Variants in LDLRAD1 observed in about 807,000 individuals in gnomAD.
The protein encoded by LDLRAD1 is low-density lipoprotein receptor class A domain-containing protein 1.
In LDLRAD1, 17 loss-of-function variants were observed where a neutral mutation model predicts 24.8. The observed-to-expected ratio is 0.69, with a 90% CI of 0.47 to 1.03. The LOEUF (loss-of-function observed/expected upper bound fraction) is 1.03, where lower values mean the gene tolerates loss of function less well. Ranked by LOEUF, LDLRAD1 falls within the 50% of genes least tolerant of loss-of-function variation. The probability of loss-of-function intolerance (pLI) is 0.00; values close to 1 mark genes in which losing one functional copy is unlikely to be tolerated. For synonymous variants in LDLRAD1, 103 were observed against 108.2 expected (o/e 0.95, Z 0.30); for missense variants, 277 against 271.0 (o/e 1.02, Z -0.16).
chr1:54,010,474 G>T, intron 4 of LDLRAD1, 64 bp from the exon 5 acceptor site: 3 of 1,579,776 alleles, frequency 1.9e-6, no homozygotes, highest in Non-Finnish European at 1.7e-6. Flanking sequence ...GAGGGTTATC[G>T]GGAGGAGGAT....
intron 2 of LDLRAD1, 38 bp from the exon 3 acceptor site, chr1:54,014,402 TA>T: frequency 8.9e-7 from 1 of 1,117,482 alleles, no homozygotes; most frequent in Non-Finnish European, 1.2e-6. Context: ...GTGGTGGTGA[TA>T]GGGGGCCAGC....
intron 5 of LDLRAD1, among the ~76,000 whole-genome samples, chr1:54,010,027 C>T (rs528564869): frequency 4.0e-4 from 61 of 152,338 alleles, no homozygotes; most frequent in African/African-American, 1.4e-3. Context: ...GCATGACCAC[C>T]TTCTGGGACC....
rs1188338681 is a variant in LDLRAD1 at position 54,015,651 on chromosome 1, T to TGTG, written c.74-1288_74-1287insCAC. On this transcript the variant is annotated intron_variant, in intron 2 of 5. Transcript: ENST00000371360. ...GCACGTGGTGGGGGCTTTTGTTTTT[T>TGTG]TTGTTTTTTTTGTTTTTTTTTTGAG... 3.9e-4 allele frequency among the ~76,000 whole-genome samples: 49 copies of TGTG among 126,268 alleles called. 5 individuals are homozygous for TGTG. Among genetic ancestry groups the TGTG allele is most frequent in the African/African-American group, 9.5e-4 (34 of 35,604 alleles). 82.8% of individuals were successfully genotyped at this position (126,268 alleles called of 152,430 possible).
rs200640296 is a variant in LDLRAD1 at position 54,014,337 on chromosome 1, C to T, written c.101G>A (p.Arg34His). ...EAGGGHLCCSRRGACLSASLL... is the reference protein window; with the variant it reads ...EAGGGHLCCSHRGACLSASLL... The stretch of plus-strand genomic sequence containing the variant: ...AGAGGCAGAGAGGCAGGCCCCGCGA[C>T]GTGAGCAGCAGAGGTGGCCGCCGCC... Residue 34 changes from arginine to histidine, a missense_variant, in exon 3 of 6, where the codon CGT becomes CAT. By Grantham distance (29) the Arg-to-His change is conservative (BLOSUM62 0). Transcript: ENST00000371360. 29 of 1,548,498 alleles carry T rather than the reference C, an allele frequency of 1.9e-5. No homozygotes were observed. Among genetic ancestry groups the T allele is most frequent in the Non-Finnish European group, 2.4e-5 (28 of 1,146,590 alleles).
chr1:54,014,424 G>T (rs2100259920), intron 2 of LDLRAD1, 60 bp from the exon 3 acceptor site: 1 of 1,478,556 alleles, frequency 6.8e-7, no homozygotes, highest in Non-Finnish European at 9.2e-7. Flanking sequence ...GCTAGGAACA[G>T]GGAGCTCCCT....
At chr1:54,017,291 T>C (rs1656347793) in intron 2 of LDLRAD1, 85 bp downstream of exon 2, 2 of 1,155,016 alleles carry the variant, frequency 1.7e-6, no homozygotes, top group Admixed American at 4.0e-5. Context: ...GTGGGAGCCT[T>C]GAACCCTCCT....
chr1:54,013,815 C>T (rs1319771778), intron 3 of LDLRAD1, among the ~76,000 whole-genome samples: 1 of 152,138 alleles, frequency 6.6e-6, no homozygotes, highest in African/African-American at 2.4e-5. Context: ...GGGTTGTTCA[C>T]CCCTGAAGCT....
intron 1 of LDLRAD1, 110 bp from the exon 2 acceptor site, chr1:54,017,537 C>T: frequency 1.1e-6 from 1 of 871,502 alleles, no homozygotes. Flanking sequence ...TTAGGTAGAA[C>T]CACGGGTCCG....
rs376731698 is a variant in LDLRAD1, at chr1:54,010,299, G to A, written c.452C>T (p.Ser151Leu). Residue 151 changes from serine to leucine, a missense_variant, in exon 5 of 6, where the codon TCA (serine) becomes TTA (leucine). Coordinates refer to ENST00000371360, the MANE Select transcript of LDLRAD1 (RefSeq NM_001010978.4). Reference protein sequence around the residue: ...CDGTNNCGDCSDELSPVTVCP... With the variant: ...CDGTNNCGDCLDELSPVTVCP... ...ACCCCTACCTGGGCTCAGTTCATCT[G>A]AACAGTCCCCGCAGTTGTTAGTGCC... 24 of 1,613,922 alleles carry A rather than the reference G, an allele frequency of 1.5e-5. No homozygotes were observed. The highest frequency in any genetic ancestry group is 2.0e-5 in the Non-Finnish European group (24 of 1,180,006).
chr1:54,009,217 C>A, intron 5 of LDLRAD1, 87 bp from the exon 6 acceptor site: 1 of 1,298,738 alleles, frequency 7.7e-7, no homozygotes, highest in South Asian at 1.3e-5. Flanking sequence ...TGAAACCTGC[C>A]GTAGCTCCCC....
In LDLRAD1 at chr1:54,008,938, A is replaced by G; in HGVS notation, c.*44T>C. On this transcript the variant is annotated 3_prime_UTR_variant, in exon 6 of 6. Transcript: ENST00000371360. ...TTTGATTTTCATGTGAAGGGTTATC[A>G]GTGCCATTCCAGCCAGCCTTCCATG... The G allele has an allele frequency of 6.4e-7, 1 of 1,573,470 alleles. No individual in the cohort carries two copies. The highest frequency in any genetic ancestry group is 2.3e-5 in the East Asian group (1 of 44,002).
At chr1:54,016,075 C>G (rs1345564831) in intron 2 of LDLRAD1, among the ~76,000 whole-genome samples, 1 of 152,112 alleles carries the variant, frequency 6.6e-6, no homozygotes, top group Non-Finnish European at 1.5e-5. Flanking sequence ...GCAGTGTCCT[C>G]AGAAGCAGAA....
intron 2 of LDLRAD1, 82 bp downstream of exon 2, chr1:54,017,294 A>C (rs1569904205): frequency 1.7e-6 from 2 of 1,169,834 alleles, no homozygotes; most frequent in East Asian, 5.1e-5. Flanking sequence ...GGAGCCTTGA[A>C]CCCTCCTCAT....
intron 4 of LDLRAD1, 127 bp from the exon 5 acceptor site, chr1:54,010,537 G>C: frequency 1.1e-6 from 1 of 883,592 alleles, no homozygotes; most frequent in Non-Finnish European, 1.7e-6. Flanking sequence ...CAGCCCAGAA[G>C]GGTGCAAGCA....
chr1:54,008,711 G>A lies in LDLRAD1; in HGVS notation c.*271C>T, dbSNP rs1029341534. On this transcript the variant is annotated 3_prime_UTR_variant, in exon 6 of 6. Coordinates refer to ENST00000371360, the MANE Select transcript of LDLRAD1 (RefSeq NM_001010978.4). ...ACTATAGGTGTGCACCGCCATGCCT[G>A]GCTAATTTTTGTATTTTTGGTAGAG... 27 of 369,670 alleles carry A rather than the reference G, an allele frequency of 7.3e-5. No individual in the cohort carries two copies. Among genetic ancestry groups the A allele is most frequent in the African/African-American group, 5.0e-4 (24 of 48,152 alleles). 22.9% of individuals were successfully genotyped at this position (369,670 alleles called of 1,614,324 possible).
intron 1 of LDLRAD1, 88 bp downstream of exon 1, chr1:54,018,004 T>TA: frequency 8.2e-7 from 1 of 1,217,576 alleles, no homozygotes; most frequent in Non-Finnish European, 1.2e-6. Flanking sequence ...AGACAACTCT[T>TA]ACCTGGGGAC....
Position 54,008,773 on chromosome 1 carries a change from C to T in LDLRAD1, c.*209G>A, listed in dbSNP as rs572816591. On this transcript the variant is annotated 3_prime_UTR_variant, in exon 6 of 6. Transcript: ENST00000371360. Reference sequence around the variant, plus strand: ...CCACATCATCTTTGTTAGAAGCCACCTAACATGGTAATGAGCTCCTGGTCA... The same window carrying T: ...CCACATCATCTTTGTTAGAAGCCACTTAACATGGTAATGAGCTCCTGGTCA... The T allele has an allele frequency of 3.6e-4, 181 of 507,606 alleles. No homozygotes were observed. Among genetic ancestry groups the T allele is most frequent in the Non-Finnish European group, 5.9e-4 (170 of 286,562 alleles). 31.4% of individuals were successfully genotyped at this position (507,606 alleles called of 1,614,324 possible). A position where few individuals can be genotyped will look rare whatever the true frequency, so the allele number is the denominator to read the frequency against.
In LDLRAD1 at chr1:54,008,891, T is replaced by TAGGCGTA; in HGVS notation, c.*90_*91insTACGCCT. On this transcript the variant is annotated 3_prime_UTR_variant, in exon 6 of 6. Coordinates refer to ENST00000371360, the MANE Select transcript of LDLRAD1 (RefSeq NM_001010978.4). Reference sequence around the variant, plus strand: ...GTGTAGATCCCATTTCAAAGGCTGCTTCCTGCCCTTGTGCGCTAGGATTTG... The same window carrying TAGGCGTA: ...GTGTAGATCCCATTTCAAAGGCTGCTAGGCGTATCCTGCCCTTGTGCGCTAGGATTTG... 1 of 1,109,570 alleles carries TAGGCGTA rather than the reference T, an allele frequency of 9.0e-7. No individual in the cohort carries two copies. Among genetic ancestry groups the TAGGCGTA allele is most frequent in the South Asian group, 2.1e-5 (1 of 46,718 alleles). 68.7% of individuals were successfully genotyped at this position (1,109,570 alleles called of 1,614,324 possible).
intron 2 of LDLRAD1, among the ~76,000 whole-genome samples, chr1:54,015,988 C>A (rs893192620): frequency 2.6e-5 from 4 of 152,090 alleles, no homozygotes; most frequent in Non-Finnish European, 4.4e-5. Context: ...ATATGCCGAC[C>A]TGGGGGTCCA....
Sources: gnomAD v4.1 joint callset for allele counts (sites outside exome capture counted in the v4.1 genomes callset) on GRCh38, gnomAD v4.1.1 for gene constraint, MANE v1.5 for transcripts, NCBI Gene and HGNC (gene_info 2026-07-23, HGNC 2026-07-21) for gene names.